The following TCERG1L variants were observed in gnomAD, a reference collection of about 807,000 sequenced individuals.
TCERG1L encodes the protein transcription elongation regulator 1 like, also known as transcription elongation regulator 1-like protein.
TCERG1L carries 37 observed loss-of-function variants against 56.3 expected under a neutral mutation model. The ratio of observed to expected loss-of-function variants is 0.66; its 90% CI spans 0.51 to 0.87. The LOEUF is 0.87. Ranked by LOEUF, TCERG1L falls within the 40% of genes least tolerant of loss-of-function variation. The pLI, the probability that TCERG1L is intolerant of heterozygous loss-of-function variation, is 0.00. For missense variants in TCERG1L, 799 were observed against 774.2 expected, an observed-to-expected ratio of 1.03 and a Z score of -0.38; for synonymous variants, 324 against 326.3, an observed-to-expected ratio of 0.99 and a Z score of 0.08.
At chr10:131,163,098 C>T (rs1418845951) in intron 6 of TCERG1L, 24 bp downstream of exon 6, 1 of 1,524,580 alleles carries the variant, frequency 6.6e-7, no homozygotes, top group African/African-American at 1.4e-5. Flanking sequence ...TTGCTAGTGG[C>T]TCTCAGGCTT....
intron 11 of TCERG1L, among the ~76,000 whole-genome samples, chr10:131,096,182 A>G (rs1342162208): frequency 2.0e-5 from 3 of 152,226 alleles, no homozygotes; most frequent in African/African-American, 7.2e-5. Context: ...GGAAGGTCCA[A>G]TACTTACCCC....
intron 9 of TCERG1L, among the ~76,000 whole-genome samples, chr10:131,105,501 C>T (rs1845343439): frequency 6.6e-6 from 1 of 152,190 alleles, no homozygotes; most frequent in Admixed American, 6.5e-5. Flanking sequence ...ATTTATATTG[C>T]TACAGACTCA....
rs2133387731 is a variant in TCERG1L at position 131,113,270 on chromosome 10, C to A, written c.1395+3529G>T. 1.4e-5 allele frequency among the ~76,000 whole-genome samples: 2 copies of A among 142,642 alleles called. 1 individual carries two copies. The highest frequency in any genetic ancestry group is 4.7e-4 in the East Asian group (2 of 4,214). 93.6% of individuals were successfully genotyped at this position (142,642 alleles called of 152,430 possible). A position where few individuals can be genotyped will look rare whatever the true frequency, so the allele number is the denominator to read the frequency against. ...ATCCCATTCCAGAAATTAGAGCGGG[C>A]AGTGCCAACTCCCCAAAGGCACCTT... On this transcript the variant is annotated intron_variant, in intron 9 of 11. Coordinates refer to ENST00000368642, the MANE Select transcript of TCERG1L (RefSeq NM_174937.4).
At chr10:131,271,548 G>A (rs562410177) in intron 3 of TCERG1L, among the ~76,000 whole-genome samples, 3 of 152,358 alleles carry the variant, frequency 2.0e-5, no homozygotes, top group Admixed American at 6.5e-5. Context: ...GAGCGTGCTG[G>A]CGTCATGGGC....
intron 7 of TCERG1L, among the ~76,000 whole-genome samples, chr10:131,140,942 G>A (rs1237573929): frequency 6.6e-6 from 1 of 152,178 alleles, no homozygotes; most frequent in East Asian, 1.9e-4. Context: ...GGTCCAGCCA[G>A]GTGCTCACAG....
chr10:131,229,593 C>T (rs1157513598), intron 4 of TCERG1L, among the ~76,000 whole-genome samples: 1 of 152,128 alleles, frequency 6.6e-6, no homozygotes, highest in Non-Finnish European at 1.5e-5. Context: ...GCGCAGCCAT[C>T]AACTTCTGAT....
At chr10:131,129,406 T>C (rs1244338372) in intron 8 of TCERG1L, among the ~76,000 whole-genome samples, 1 of 152,254 alleles carries the variant, frequency 6.6e-6, no homozygotes, top group Non-Finnish European at 1.5e-5. Context: ...CAGACTAATC[T>C]AGAGGGGCAC....
At chr10:131,240,607 G>C (rs1167284729) in intron 4 of TCERG1L, among the ~76,000 whole-genome samples, 1 of 152,222 alleles carries the variant, frequency 6.6e-6, no homozygotes, top group Admixed American at 6.5e-5. Context: ...AGACGGGACA[G>C]CACCCGCACA....
intron 4 of TCERG1L, among the ~76,000 whole-genome samples, chr10:131,204,630 C>T (rs1364750603): frequency 6.6e-6 from 1 of 152,214 alleles, no homozygotes; most frequent in Non-Finnish European, 1.5e-5. Flanking sequence ...AGGTGTGTGT[C>T]CTCAAATCAA....
intron 4 of TCERG1L, among the ~76,000 whole-genome samples, chr10:131,201,719 G>A (rs182501770): frequency 5.3e-5 from 8 of 152,230 alleles, no homozygotes; most frequent in South Asian, 4.1e-4. Context: ...TTTAATCTCC[G>A]AATTTTACAC....
At chr10:131,210,658 G>GC (rs1352554375) in intron 4 of TCERG1L, among the ~76,000 whole-genome samples, 1 of 152,122 alleles carries the variant, frequency 6.6e-6, no homozygotes, top group East Asian at 1.9e-4. Context: ...CCGCAGGCCC[G>GC]CCCTACTGGA....
intron 4 of TCERG1L, among the ~76,000 whole-genome samples, chr10:131,181,107 T>C (rs1025465559): frequency 3.3e-5 from 5 of 152,300 alleles, no homozygotes; most frequent in African/African-American, 1.2e-4. Flanking sequence ...AGTCCAGACC[T>C]CCGCGCTGCT....
At chr10:131,270,577 G>C (rs1486623446) in intron 3 of TCERG1L, among the ~76,000 whole-genome samples, 4 of 152,224 alleles carry the variant, frequency 2.6e-5, no homozygotes, top group African/African-American at 9.6e-5. Flanking sequence ...AGGGTGCGGA[G>C]CCAACATCTC....
rs1845542795 is a variant in TCERG1L, at chr10:131,207,176, C to T, written c.857-40291G>A. ...TCCCCTCACTTGCCCCGACCTCTTC[C>T]CCTACCCTGATCCCCTCCCCCACCC... is the stretch of plus-strand genomic sequence containing the variant. On this transcript the variant is annotated intron_variant, in intron 4 of 11. Coordinates refer to ENST00000368642, the MANE Select transcript of TCERG1L (RefSeq NM_174937.4). Among the ~76,000 whole-genome samples, 3 of 151,934 alleles carry T rather than the reference C, an allele frequency of 2.0e-5. No homozygotes were observed. The South Asian group carries it at 6.3e-4, about 32-fold the overall frequency.
intron 3 of TCERG1L, among the ~76,000 whole-genome samples, chr10:131,276,619 C>T (rs747462952): frequency 6.6e-6 from 1 of 152,202 alleles, no homozygotes; most frequent in Non-Finnish European, 1.5e-5. Flanking sequence ...AGCCAGCTGA[C>T]AATTTTCAGG....
At chr10:131,293,210 T>G (rs757157901) in intron 3 of TCERG1L, among the ~76,000 whole-genome samples, 1 of 152,172 alleles carries the variant, frequency 6.6e-6, no homozygotes, top group African/African-American at 2.4e-5. Context: ...TGCTTCCCCA[T>G]GTTTTCCTTT....
At chr10:131,159,741 A>C (rs1350589308) in intron 6 of TCERG1L, among the ~76,000 whole-genome samples, 1 of 152,094 alleles carries the variant, frequency 6.6e-6, no homozygotes, top group East Asian at 1.9e-4. Flanking sequence ...CAGTGTGAGG[A>C]GAGTGTGCTG....
chr10:131,305,007 T>C (rs950406231), intron 3 of TCERG1L, among the ~76,000 whole-genome samples: 1 of 152,048 alleles, frequency 6.6e-6, no homozygotes, highest in Non-Finnish European at 1.5e-5. Context: ...CTCCCCTTGA[T>C]TTTGTGTCTT....
chr10:131,135,389 T>C (rs1845664111), intron 7 of TCERG1L, among the ~76,000 whole-genome samples: 1 of 152,176 alleles, frequency 6.6e-6, no homozygotes, highest in African/African-American at 2.4e-5. Flanking sequence ...AGCGCTCAGC[T>C]CAGGATGAGC....
Sources: gnomAD v4.1 joint callset for allele counts (sites outside exome capture counted in the v4.1 genomes callset) on GRCh38, gnomAD v4.1.1 for gene constraint, MANE v1.5 for transcripts, NCBI Gene and HGNC (gene_info 2026-07-23, HGNC 2026-07-21) for gene names.